Variants in ESCO2 observed in about 807,000 individuals in gnomAD.
ESCO2 encodes the protein N-acetyltransferase ESCO2.
Under a neutral mutation model 61.7 loss-of-function variants are expected in ESCO2, and 51 were observed. The ratio of observed to expected loss-of-function variants is 0.83; its 90% CI spans 0.66 to 1.04. The LOEUF (loss-of-function observed/expected upper bound fraction) is 1.04. Among genes scored for constraint, ESCO2 ranks in the 50% least tolerant of loss-of-function variants. The probability of loss-of-function intolerance (pLI) is 0.00; values close to 1 mark genes in which losing one functional copy is unlikely to be tolerated. For synonymous variants in ESCO2, 230 were observed against 238.2 expected (o/e 0.97, Z 0.32); for missense variants, 692 against 686.2 (o/e 1.01, Z -0.09).
downstream of ESCO2, chr8:27,810,089 T>C (rs1805640662): frequency 5.8e-6 from 3 of 514,040 alleles, no homozygotes; most frequent in South Asian, 5.4e-5. Context: ...CTTATGTAGC[T>C]AGTTTCTAAA....
intron 3 of ESCO2, 186 bp from the exon 4 acceptor site, chr8:27,779,988 T>C: frequency 9.1e-6 from 5 of 549,098 alleles, no homozygotes; most frequent in Non-Finnish European, 1.6e-5. Flanking sequence ...AAAGGTAATG[T>C]ACGCTTAGTG....
chr8:27,792,007 A>G lies in ESCO2; in HGVS notation c.1308A>G (p.Lys436=). ...TAGTAGCAGAGTTTTGGGATGGGAAAATCGTGTTGGTTCTGCCACATGATC... is the reference window on the plus strand; with the variant it reads ...TAGTAGCAGAGTTTTGGGATGGGAAGATCGTGTTGGTTCTGCCACATGATC... ...ERVVAEFWDG[K]IVLVLPHDPS... is the part of the protein sequence containing the mutation. Residue 436 remains lysine, a synonymous_variant, in exon 8 of 11, where the codon AAA becomes AAG. Coordinates refer to ENST00000305188, the MANE Select transcript of ESCO2 (RefSeq NM_001017420.3). The G allele has an allele frequency of 1.9e-6, 3 of 1,614,134 alleles. No homozygotes were observed. Among genetic ancestry groups the G allele is most frequent in the South Asian group, 1.1e-5 (1 of 91,074 alleles).
In ESCO2 at chr8:27,780,336, ATTC is replaced by A. The variant is rs144259534; in HGVS notation, c.955+72_955+74del. 6,472 of 1,035,026 alleles carry A rather than the reference ATTC, an allele frequency of 6.3e-3. 210 individuals are homozygous for A. The East Asian group carries it at 0.079, about 13-fold the overall frequency. 64.1% of individuals were successfully genotyped at this position (1,035,026 alleles called of 1,614,324 possible). ...TTATTACATACATTATACAATAATAATTCTTGTAATTTCTGGGTCTTTCTTTTT... is the reference window on the plus strand; with the variant it reads ...TTATTACATACATTATACAATAATAATTGTAATTTCTGGGTCTTTCTTTTT... On this transcript the variant is annotated intron_variant, in intron 4 of 10. Transcript: ENST00000305188.
At chr8:27,775,367 A>C (rs1804765981) in intron 1 of ESCO2, 132 bp from the exon 2 acceptor site, 1 of 771,736 alleles carries the variant, frequency 1.3e-6, no homozygotes, top group African/African-American at 1.7e-5. Context: ...GTGGAAGGAG[A>C]GCAATGTCGA....
At chr8:27,787,092 T>C (rs900522989) in intron 5 of ESCO2, among the ~76,000 whole-genome samples, 1 of 152,142 alleles carries the variant, frequency 6.6e-6, no homozygotes, top group Non-Finnish European at 1.5e-5. Context: ...GGTTTAGTGA[T>C]CTTACAATGT....
At chr8:27,773,588 A>C (rs1184564887), upstream of ESCO2, 1 of 151,592 alleles carries the variant, frequency 6.6e-6, no homozygotes, top group African/African-American at 2.4e-5. Flanking sequence ...CTCTTACATC[A>C]CTGTCACTGA....
intron 10 of ESCO2, among the ~76,000 whole-genome samples, chr8:27,802,908 G>A (rs1056881438): frequency 6.6e-6 from 1 of 150,900 alleles, no homozygotes; most frequent in Non-Finnish European, 1.5e-5. Context: ...CACCATGCCC[G>A]GCTAATTTTT....
chr8:27,775,235 A>G (rs1428407214), intron 1 of ESCO2, among the ~76,000 whole-genome samples: 2 of 152,186 alleles, frequency 1.3e-5, no homozygotes, highest in African/African-American at 4.8e-5. Context: ...GAAAAGTTAC[A>G]GACGGTCTCT....
At position 27,804,100 on chromosome 8, in the gene ESCO2, T is replaced by G; in HGVS notation, c.*662T>G. Reference sequence around the variant, plus strand: ...CTGTAGTAACTCAGTTTGAATATCTTTAGAAAATGTTTAGAATTTATTTGT... The same window carrying G: ...CTGTAGTAACTCAGTTTGAATATCTGTAGAAAATGTTTAGAATTTATTTGT... On this transcript the variant is annotated 3_prime_UTR_variant, in exon 11 of 11. Coordinates refer to ENST00000305188, the MANE Select transcript of ESCO2 (RefSeq NM_001017420.3). The G allele has an allele frequency of 3.0e-6, 3 of 985,392 alleles. No homozygotes were observed. The highest frequency in any genetic ancestry group is 3.6e-6 in the Non-Finnish European group (3 of 829,912). 61.0% of individuals were successfully genotyped at this position (985,392 alleles called of 1,614,324 possible).
rs570471995 is a variant in ESCO2 at position 27,799,585 on chromosome 8, C to A, written c.1542C>A (p.Ser514Arg). Residue 514 changes from serine (S) to arginine (R), a missense_variant, in exon 10 of 11, where the codon AGC (serine) becomes AGA (arginine). Transcript: ENST00000305188. ...LSEPIGPESP[S>R]STECPRAWQC... ...AACCAATTGGTCCAGAATCCCCAAG[C>A]TCTACGGAATGTCCTAGGGCTTGGC... 5.0e-6 allele frequency: 8 copies of A among 1,613,926 alleles called. No individual in the cohort carries two copies. Among genetic ancestry groups the A allele is most frequent in the Non-Finnish European group, 6.8e-6 (8 of 1,179,978 alleles).
At chr8:27,772,184 T>C (rs1417799408), upstream of ESCO2, 1 of 436,486 alleles carries the variant, frequency 2.3e-6, no homozygotes, top group African/African-American at 2.0e-5. Flanking sequence ...GAAGAAGACT[T>C]GGGATAAGGT....
At position 27,788,197 on chromosome 8, in the gene ESCO2, T is replaced by C. The variant is rs183595318; in HGVS notation, c.1131+195T>C. The stretch of plus-strand genomic sequence containing the variant: ...TGCTTTTCCTGCACTCTATTTTTTG[T>C]CAACTCTTGGGTCAAATAATTTTAA... On this transcript the variant is annotated intron_variant, in intron 6 of 10. Coordinates refer to ENST00000305188, the MANE Select transcript of ESCO2 (RefSeq NM_001017420.3). Among the ~76,000 whole-genome samples the C allele has an allele frequency of 4.7e-3, 717 of 152,290 alleles. 7 individuals carry two copies. Among genetic ancestry groups the C allele is most frequent in the African/African-American group, 0.017 (689 of 41,566 alleles).
intron 4 of ESCO2, among the ~76,000 whole-genome samples, chr8:27,781,132 G>C (rs1343683180): frequency 6.6e-6 from 1 of 152,128 alleles, no homozygotes; most frequent in Admixed American, 6.5e-5. Flanking sequence ...AATCATAAAA[G>C]TAATATAAAA....
upstream of ESCO2, among the ~76,000 whole-genome samples, chr8:27,774,166 C>CTTTATTTA (rs68114079): frequency 0.014 from 2,185 of 151,078 alleles, 48 homozygotes; most frequent in African/African-American, 0.045. Context: ...TTGGAGAGGC[C>CTTTATTTA]TTTATTTATT....
intron 9 of ESCO2, among the ~76,000 whole-genome samples, chr8:27,797,763 A>G (rs1043409456): frequency 5.9e-5 from 9 of 152,234 alleles, no homozygotes; most frequent in African/African-American, 2.2e-4. Flanking sequence ...ATCCTATAAT[A>G]TAACAGCCTA....
downstream of ESCO2, chr8:27,812,230 A>T (rs1432992269): frequency 6.6e-6 from 1 of 152,154 alleles, no homozygotes; most frequent in Non-Finnish European, 1.5e-5. Context: ...TAGTTAGCTG[A>T]GAGGTTAACT....
At chr8:27,772,840 A>G (rs977356692), upstream of ESCO2, among the ~76,000 whole-genome samples, 8 of 152,326 alleles carry the variant, frequency 5.3e-5, no homozygotes, top group East Asian at 9.6e-4. Context: ...TGAAGATGAT[A>G]CTAGAGCAGC....
chr8:27,814,588 A>G (rs567930960), downstream of ESCO2, among the ~76,000 whole-genome samples: 41 of 152,226 alleles, frequency 2.7e-4, 1 homozygote, highest in Non-Finnish European at 3.4e-4. Context: ...AGATTAAATC[A>G]ATGAACATAG....
At chr8:27,797,421 A>G (rs1016613384) in intron 9 of ESCO2, among the ~76,000 whole-genome samples, 2 of 152,028 alleles carry the variant, frequency 1.3e-5, no homozygotes, top group African/African-American at 4.8e-5. Flanking sequence ...TTCCATTTGC[A>G]TGGAGTCGTT....
Sources: allele counts gnomAD v4.1 joint callset (sites outside exome capture counted in the v4.1 genomes callset), GRCh38; gene constraint gnomAD v4.1.1; transcripts MANE v1.5; gene names NCBI Gene and HGNC (gene_info 2026-07-23, HGNC 2026-07-21).